Variants in PODNL1 observed in about 807,000 individuals in gnomAD.
PODNL1 encodes podocan like 1, also known as podocan-like protein 1.
In PODNL1, 50 loss-of-function variants were observed where a neutral mutation model predicts 45.1. The observed-to-expected ratio is 1.11, with a 90% CI of 0.88 to 1.40. The LOEUF (loss-of-function observed/expected upper bound fraction) is 1.40, where lower values mean the gene tolerates loss of function less well. PODNL1 is among the 40% of genes most tolerant of loss of function. The pLI is 0.00. For missense variants in PODNL1, 788 were observed against 793.3 expected (o/e 0.99, Z 0.08); for synonymous variants, 406 against 372.5 (o/e 1.09, Z -1.04).
At chr19:13,948,083 A>G (rs779261521) in intron 1 of PODNL1, among the ~76,000 whole-genome samples, 1 of 152,090 alleles carries the variant, frequency 6.6e-6, no homozygotes, top group Non-Finnish European at 1.5e-5. Context: ...TCCGGGGATC[A>G]AGGGAGACTT....
chr19:13,938,104 C>T, intron 1 of PODNL1, 75 bp downstream of exon 1: 1 of 1,500,124 alleles, frequency 6.7e-7, no homozygotes, highest in Non-Finnish European at 9.0e-7. Context: ...GGTGGGGAGG[C>T]AGTGGCCAGT....
At chr19:13,951,049 C>CAAA (rs59269074) in intron 1 of PODNL1, among the ~76,000 whole-genome samples, 18 of 66,612 alleles carry the variant, frequency 2.7e-4, no homozygotes, top group Admixed American at 5.3e-4. Context: ...AACTCCATCT[C>CAAA]AAAAAAAAAA....
At chr19:13,952,469 G>A (rs1466117331) in intron 1 of PODNL1, 1 of 1,247,080 alleles carries the variant, frequency 8.0e-7, no homozygotes, top group Non-Finnish European at 1.0e-6. Flanking sequence ...GCAGGGGTGG[G>A]GCGAAGGGGC....
Position 13,938,296 on chromosome 19 carries a change from A to G in PODNL1, c.-115T>C. On this transcript the variant is annotated 5_prime_UTR_variant, in exon 1 of 10. Transcript: ENST00000588872. ...GGCCACCACCGCCCCCCATCTCCAG[A>G]CCCATGCCACCCCCCACAACAGCCT... is the stretch of plus-strand genomic sequence containing the variant. 4.1e-6 allele frequency: 6 copies of G among 1,463,822 alleles called. No individual in the cohort carries two copies. The highest frequency in any genetic ancestry group is 5.4e-6 in the Non-Finnish European group (6 of 1,102,736). 90.7% of individuals were successfully genotyped at this position (1,463,822 alleles called of 1,614,324 possible).
exon 1 of PODNL1, chr19:13,953,242 G>T: frequency 9.0e-7 from 1 of 1,110,988 alleles, no homozygotes; most frequent in South Asian, 1.6e-5. Flanking sequence ...CCCAGAGCTG[G>T]GGGATGATGT....
Position 13,933,130 on chromosome 19 carries a change from C to T in PODNL1, c.1093G>A (p.Ala365Thr), listed in dbSNP as rs963781438. ...ALVLPHNHVA[A>T]LGARDLVATP... ...GCGACCAGGTCACGGGCACCCAGCG[C>T]GGCCACGTGGTTGTGGGGCAGCACC... is the stretch of plus-strand genomic sequence containing the variant. Residue 365 changes from alanine to threonine, a missense_variant, in exon 8 of 10, where the codon GCG becomes ACG. By Grantham distance (58) the Ala-to-Thr change is moderately conservative. Transcript: ENST00000588872. The surrounding 1 kb of genome is among the most constrained non-coding windows in gnomAD (Gnocchi z 5.2). The T allele has an allele frequency of 2.8e-5, 43 of 1,527,722 alleles. 1 individual carries two copies. Among genetic ancestry groups the T allele is most frequent in the Middle Eastern group, 1.7e-4 (1 of 5,930 alleles). The allele number at this position is 1,527,722 out of a possible 1,614,324, so 94.6% of individuals were successfully genotyped here.
chr19:13,935,664 CG>C, intron 5 of PODNL1, 56 bp downstream of exon 5: 1 of 1,300,214 alleles, frequency 7.7e-7, no homozygotes, highest in East Asian at 2.5e-5. Flanking sequence ...CTCCTAGAAC[CG>C]GGGCATGACA....
rs1248234940 is a variant in PODNL1 at position 13,936,442 on chromosome 19, G to A, written c.244C>T (p.Leu82Phe). Residue 82 changes from leucine to phenylalanine, a missense_variant, in exon 3 of 10, where the codon CTC (leucine) becomes TTC (phenylalanine). Coordinates refer to ENST00000588872, the MANE Select transcript of PODNL1 (RefSeq NM_001370095.3). Reference protein sequence around the residue: ...LSLQNNQLQELPYNELSRLSG... With the variant: ...LSLQNNQLQEFPYNELSRLSG... Reference sequence around the variant, plus strand: ...AGGCGGGACAGCTCATTGTAGGGGAGTTCCTGGAGCTGGTTGTTCTGCAGG... The same window carrying A: ...AGGCGGGACAGCTCATTGTAGGGGAATTCCTGGAGCTGGTTGTTCTGCAGG... The A allele has an allele frequency of 9.3e-6, 15 of 1,613,356 alleles. No individual in the cohort carries two copies. The highest frequency in any genetic ancestry group is 1.2e-5 in the Non-Finnish European group (14 of 1,179,534).
rs377530750 is a variant in PODNL1 at position 13,933,986 on chromosome 19, A to C, written c.659T>G (p.Leu220Arg). 5.1e-5 allele frequency: 82 copies of C among 1,604,728 alleles called. No homozygotes were observed. Among genetic ancestry groups the C allele is most frequent in the Middle Eastern group, 5.0e-4 (3 of 6,052 alleles). Residue 220 changes from leucine (L) to arginine (R), a missense_variant, in exon 7 of 10, where the codon CTC (leucine) becomes CGC (arginine). This residue lies in a region of PODNL1 where 762 missense variants were observed against 750.9 expected (regional missense o/e 1.01). Transcript: ENST00000588872. The surrounding 1 kb of genome is among the most constrained non-coding windows in gnomAD (Gnocchi z 5.2). ...GGCTCCTCGGGGCACCTTGGAGATG[A>C]GATTGTTCTGGAGAAGGAAGAAGAG... ...SLERLHLQNN[L>R]ISKVPRGALS...
Position 13,933,079 on chromosome 19 carries a change from G to C in PODNL1, c.1144C>G (p.Leu382Val), listed in dbSNP as rs1972072177. The C allele has an allele frequency of 2.0e-6, 3 of 1,533,098 alleles. No homozygotes were observed. The highest frequency in any genetic ancestry group is 1.4e-5 in the African/African-American group (1 of 73,388). 95.0% of individuals were successfully genotyped at this position (1,533,098 alleles called of 1,614,324 possible). The change falls in exon 8 of 10, where the codon CTG (leucine) becomes GTG (valine). Residue 382 changes from leucine to valine, a missense_variant. Coordinates refer to ENST00000588872, the MANE Select transcript of PODNL1 (RefSeq NM_001370095.3). This position sits in a 1 kb window ranked among gnomAD's most constrained non-coding sequence, Gnocchi z 5.2. ...GCGCTGGCCAGGCGGTTATAGGCCA[G>C]GTTAAGCTCCGTCAGGCCCGGTGTG... ...VATPGLTELN[L>V]AYNRLASARV... is the part of the protein sequence containing the mutation.
At chr19:13,934,874 A>G (rs1445968285) in intron 5 of PODNL1, among the ~76,000 whole-genome samples, 1 of 149,126 alleles carries the variant, frequency 6.7e-6, no homozygotes, top group Non-Finnish European at 1.5e-5. Context: ...TGTGCAGCCG[A>G]GTGTGCAACT....
At chr19:13,950,444 AC>A (rs1972960297) in intron 1 of PODNL1, among the ~76,000 whole-genome samples, 1 of 152,168 alleles carries the variant, frequency 6.6e-6, no homozygotes, top group African/African-American at 2.4e-5. Context: ...TGCTGGGCTT[AC>A]AGGCATGAGC....
chr19:13,952,725 C>T, intron 1 of PODNL1: 1 of 112,136 alleles, frequency 8.9e-6, no homozygotes, highest in Non-Finnish European at 1.4e-5. Flanking sequence ...AGGGCGTTCG[C>T]GGGGTGAGGG....
intron 3 of PODNL1, 141 bp from the exon 4 acceptor site, chr19:13,936,185 C>G (rs1972338213): frequency 2.1e-6 from 2 of 937,558 alleles, no homozygotes. Flanking sequence ...CTCCCCATCC[C>G]TACTCAAAAG....
At chr19:13,948,742 G>A (rs1428117467) in intron 1 of PODNL1, among the ~76,000 whole-genome samples, 3 of 129,214 alleles carry the variant, frequency 2.3e-5, no homozygotes, top group African/African-American at 3.0e-5. Context: ...CATCCTGACC[G>A]TCCTGGCTAA....
chr19:13,938,171 C>T lies in PODNL1; in HGVS notation c.3+8G>A, dbSNP rs1599439967. On this transcript the variant is annotated splice_region_variant and intron_variant, in intron 1 of 9. Transcript: ENST00000588872. ...CCCACCCTCAGACCCTCCCGTGCCCCACCTTACCATGGCCAGCCCTGACTC... is the reference window on the plus strand; with the variant it reads ...CCCACCCTCAGACCCTCCCGTGCCCTACCTTACCATGGCCAGCCCTGACTC... The T allele has an allele frequency of 6.2e-7, 1 of 1,605,462 alleles. No homozygotes were observed.
chr19:13,948,641 A>C (rs1238151955), intron 1 of PODNL1, among the ~76,000 whole-genome samples: 1 of 146,788 alleles, frequency 6.8e-6, no homozygotes, highest in South Asian at 2.3e-4. Context: ...TCATAATAAC[A>C]TCCTCCTGGC....
intron 1 of PODNL1, among the ~76,000 whole-genome samples, chr19:13,948,777 A>C (rs1972910224): frequency 9.0e-6 from 1 of 111,722 alleles, no homozygotes; most frequent in African/African-American, 3.0e-5. Context: ...GCCTCTACAA[A>C]AAAAAAAAAA....
chr19:13,931,712 G>A lies in PODNL1; in HGVS notation c.*25C>T. ...GCCCAGCGGAGTCCCAGGAGTCTGA[G>A]CTGCTCTGCTGGGCCTCTCTAGGAT... On this transcript the variant is annotated 3_prime_UTR_variant, in exon 10 of 10. Coordinates refer to ENST00000588872, the MANE Select transcript of PODNL1 (RefSeq NM_001370095.3). 1 of 1,231,774 alleles carries A rather than the reference G, an allele frequency of 8.1e-7. No homozygotes were observed. Among genetic ancestry groups the A allele is most frequent in the Non-Finnish European group, 1.0e-6 (1 of 987,934 alleles). 76.3% of individuals were successfully genotyped at this position (1,231,774 alleles called of 1,614,324 possible).
Sources: gnomAD v4.1 joint callset for allele counts (sites outside exome capture counted in the v4.1 genomes callset) on GRCh38, gnomAD v4.1.1 for gene constraint, gnomAD v4.1.1 regional missense constraint, Gnocchi (gnomAD v3.1) non-coding constraint, MANE v1.5 for transcripts, NCBI Gene and HGNC (gene_info 2026-07-23, HGNC 2026-07-21) for gene names.